The following NMNAT2 variants were observed in gnomAD, a reference collection of about 807,000 sequenced individuals.
The protein encoded by NMNAT2 is nicotinamide nucleotide adenylyltransferase 2, also known as nicotinamide/nicotinic acid mononucleotide adenylyltransferase 2.
Under a neutral mutation model 41.6 loss-of-function variants are expected in NMNAT2, and 11 were observed. The ratio of observed to expected loss-of-function variants is 0.26; its 90% CI spans 0.17 to 0.44. The LOEUF (loss-of-function observed/expected upper bound fraction) is 0.44, where lower values mean the gene tolerates loss of function less well. NMNAT2 is among the 20% of genes least tolerant of loss of function. The pLI, the probability that NMNAT2 is intolerant of heterozygous loss-of-function variation, is 1.00. For missense variants in NMNAT2, 288 were observed against 407.7 expected, an observed-to-expected ratio of 0.71 and a Z score of 2.53; for synonymous variants, 148 against 151.2, an observed-to-expected ratio of 0.98 and a Z score of 0.16.
At chr1:183,380,688 G>A (rs1663785793) in intron 1 of NMNAT2, among the ~76,000 whole-genome samples, 1 of 152,100 alleles carries the variant, frequency 6.6e-6, no homozygotes, top group South Asian at 2.1e-4. Flanking sequence ...TTAAAAAATG[G>A]AAATTCGACA....
At chr1:183,313,058 C>T (rs993009107) in intron 1 of NMNAT2, among the ~76,000 whole-genome samples, 4 of 152,146 alleles carry the variant, frequency 2.6e-5, no homozygotes, top group Admixed American at 6.5e-5. Flanking sequence ...AACACTCAGT[C>T]TCTCTAATTT....
At chr1:183,332,998 C>T (rs1662616192) in intron 1 of NMNAT2, among the ~76,000 whole-genome samples, 1 of 152,172 alleles carries the variant, frequency 6.6e-6, no homozygotes, top group South Asian at 2.1e-4. Flanking sequence ...TGGACCAGGC[C>T]ATGACTTTAG....
intron 1 of NMNAT2, among the ~76,000 whole-genome samples, chr1:183,382,292 T>A (rs1241947230): frequency 6.6e-6 from 1 of 152,108 alleles, no homozygotes; most frequent in Non-Finnish European, 1.5e-5. Flanking sequence ...CATGATCCAA[T>A]CACCTCCCAC....
chr1:183,262,732 A>T lies in NMNAT2; in HGVS notation c.652-1429T>A, dbSNP rs984529593. On this transcript the variant is annotated intron_variant, in intron 8 of 10. Coordinates refer to ENST00000287713, the MANE Select transcript of NMNAT2 (RefSeq NM_015039.4). ...CATATCACCAAGTTGCTTTCTGGAA[A>T]TTTGTGCCAACTTTTATTTTTAAAG... Among the ~76,000 whole-genome samples the T allele has an allele frequency of 7.2e-5, 11 of 152,222 alleles. No homozygotes were observed. In the South Asian group the frequency reaches 1.0e-3, roughly 14 times the overall value.
At chr1:183,252,788 G>A (rs1191926213) in intron 10 of NMNAT2, 45 bp from the exon 11 acceptor site, 1 of 1,441,136 alleles carries the variant, frequency 6.9e-7, no homozygotes, top group Admixed American at 1.7e-5. Flanking sequence ...CACACCCAAA[G>A]CAAGTCAGGA....
intron 1 of NMNAT2, among the ~76,000 whole-genome samples, chr1:183,406,183 A>T (rs1338485566): frequency 6.6e-6 from 1 of 152,204 alleles, no homozygotes; most frequent in African/African-American, 2.4e-5. Flanking sequence ...CAGTATCATG[A>T]ATTGAATTGA....
At chr1:183,328,267 C>T (rs185291417) in intron 1 of NMNAT2, among the ~76,000 whole-genome samples, 17 of 152,294 alleles carry the variant, frequency 1.1e-4, no homozygotes, top group African/African-American at 4.1e-4. Context: ...TCTGCTCTAC[C>T]CCCTCTCACC....
chr1:183,307,538 G>A (rs902349139), intron 1 of NMNAT2, among the ~76,000 whole-genome samples: 32 of 152,006 alleles, frequency 2.1e-4, no homozygotes, highest in African/African-American at 7.7e-4. Flanking sequence ...TGTCTCCTGG[G>A]TTCAAGTGAT....
At chr1:183,301,307 T>C (rs1267342536) in intron 1 of NMNAT2, among the ~76,000 whole-genome samples, 1 of 152,188 alleles carries the variant, frequency 6.6e-6, no homozygotes, top group African/African-American at 2.4e-5. Flanking sequence ...GCCCCTGCCA[T>C]GTTAGAATAC....
At chr1:183,329,682 T>C (rs1259751439) in intron 1 of NMNAT2, among the ~76,000 whole-genome samples, 1 of 152,140 alleles carries the variant, frequency 6.6e-6, no homozygotes, top group East Asian at 1.9e-4. Flanking sequence ...GCTGAACATA[T>C]TCACTTTCCT....
At chr1:183,362,967 T>C (rs1663337044) in intron 1 of NMNAT2, among the ~76,000 whole-genome samples, 1 of 152,232 alleles carries the variant, frequency 6.6e-6, no homozygotes, top group African/African-American at 2.4e-5. Flanking sequence ...TTATTGTCTG[T>C]CTTTTTTATT....
intron 1 of NMNAT2, among the ~76,000 whole-genome samples, chr1:183,388,561 AC>A (rs1301665359): frequency 6.6e-6 from 1 of 152,226 alleles, no homozygotes; most frequent in East Asian, 1.9e-4. Flanking sequence ...TCGATGTTGC[AC>A]CTTGTAATTA....
At chr1:183,284,090 C>G (rs774507504) in intron 6 of NMNAT2, 51 bp from the exon 7 acceptor site, 1 of 1,535,608 alleles carries the variant, frequency 6.5e-7, no homozygotes, top group Non-Finnish European at 8.9e-7. Flanking sequence ...CTTCCTGGTA[C>G]CCAACACACA....
In NMNAT2 at chr1:183,339,483, G is replaced by T. The variant is rs991322908; in HGVS notation, c.86-45690C>A. Among the ~76,000 whole-genome samples the T allele has an allele frequency of 3.3e-5, 5 of 152,154 alleles. 1 individual carries two copies. Among genetic ancestry groups the T allele is most frequent in the Admixed American group, 2.6e-4 (4 of 15,268 alleles). On this transcript the variant is annotated intron_variant, in intron 1 of 10. Coordinates refer to ENST00000287713, the MANE Select transcript of NMNAT2 (RefSeq NM_015039.4). Reference sequence around the variant, plus strand: ...TTGAGTCCTTTGCAGCATTATTGTAGAGAGTTTCAACAGCATCGGAAGCCC... The same window carrying T: ...TTGAGTCCTTTGCAGCATTATTGTATAGAGTTTCAACAGCATCGGAAGCCC...
intron 1 of NMNAT2, 116 bp downstream of exon 1, chr1:183,418,067 C>G: frequency 1.1e-6 from 1 of 939,404 alleles, no homozygotes; most frequent in Non-Finnish European, 1.7e-6. Flanking sequence ...GCTGGATGAG[C>G]CGGCCCACCC....
chr1:183,402,511 A>G (rs974235806), intron 1 of NMNAT2, among the ~76,000 whole-genome samples: 5 of 152,172 alleles, frequency 3.3e-5, no homozygotes, highest in Non-Finnish European at 7.4e-5. Context: ...ATTTTTTGAA[A>G]TCTGTGCTTC....
chr1:183,298,613 A>G (rs1661766418), intron 1 of NMNAT2, among the ~76,000 whole-genome samples: 1 of 152,238 alleles, frequency 6.6e-6, no homozygotes, highest in Non-Finnish European at 1.5e-5. Flanking sequence ...TCAACCCTTT[A>G]TTCCCATATG....
intron 1 of NMNAT2, among the ~76,000 whole-genome samples, chr1:183,321,424 G>T (rs548724977): frequency 5.3e-4 from 81 of 152,298 alleles, no homozygotes; most frequent in Middle Eastern, 3.4e-3. Flanking sequence ...AGCAGCTTTA[G>T]TCTGTAAGGT....
chr1:183,292,507 G>A (rs1661569126), intron 3 of NMNAT2, among the ~76,000 whole-genome samples: 1 of 152,226 alleles, frequency 6.6e-6, no homozygotes, highest in Non-Finnish European at 1.5e-5. Flanking sequence ...AAAACCCAGT[G>A]ATATTTCTGG....
Sources: allele counts gnomAD v4.1 joint callset (sites outside exome capture counted in the v4.1 genomes callset), GRCh38; gene constraint gnomAD v4.1.1; transcripts MANE v1.5; gene names NCBI Gene and HGNC (gene_info 2026-07-23, HGNC 2026-07-21).